Variants in PIEZO2 observed in about 807,000 individuals in gnomAD.
The protein encoded by PIEZO2 is piezo type mechanosensitive ion channel component 2.
A neutral mutation model predicts 337.3 loss-of-function variants in PIEZO2; 172 were observed. That is an observed-to-expected ratio of 0.51 (90% CI 0.45 to 0.58). The LOEUF (loss-of-function observed/expected upper bound fraction) is 0.58. Among genes scored for constraint, PIEZO2 ranks in the 20% least tolerant of loss-of-function variants. The pLI is 0.00. For missense variants in PIEZO2, 3,028 were observed against 3,391.3 expected (o/e 0.89, Z 2.66); for synonymous variants, 1,251 against 1,228.5 (o/e 1.02, Z -0.38).
chr18:11,068,787 CAGA>C (rs569430147), intron 1 of PIEZO2, among the ~76,000 whole-genome samples: 189 of 152,046 alleles, frequency 1.2e-3, no homozygotes, highest in African/African-American at 4.1e-3. Context: ...ACCTCAGACT[CAGA>C]AGAAGACAGA....
chr18:11,028,616 C>T lies in PIEZO2; in HGVS notation c.160+37511G>A, dbSNP rs567201526. Among the ~76,000 whole-genome samples, 2 of 152,112 alleles carry T rather than the reference C, an allele frequency of 1.3e-5. No individual in the cohort carries two copies. Among genetic ancestry groups the T allele is most frequent in the Non-Finnish European group, 2.9e-5 (2 of 68,026 alleles). ...ACTGTCCTTCAGCTTTATCTGAACA[C>T]CCCCATAACAATGTGTGACTAAGTG... On this transcript the variant is annotated intron_variant, in intron 2 of 55. Transcript: ENST00000674853. This position sits in a 1 kb window ranked among gnomAD's most constrained non-coding sequence, Gnocchi z 4.8.
rs1373787733 is a variant in PIEZO2 at position 11,116,812 on chromosome 18, T to C, written c.64+31713A>G. 1.3e-5 allele frequency among the ~76,000 whole-genome samples: 2 copies of C among 150,020 alleles called. No homozygotes were observed. Among genetic ancestry groups the C allele is most frequent in the Non-Finnish European group, 3.0e-5 (2 of 67,472 alleles). On this transcript the variant is annotated intron_variant, in intron 1 of 55. Transcript: ENST00000674853. This position sits in a 1 kb window ranked among gnomAD's most constrained non-coding sequence, Gnocchi z 5.0. The stretch of plus-strand genomic sequence containing the variant: ...GTAGGGTGACTATAGTTAACAATAA[T>C]TTATTGTGTATTTCAGCCAGGCACG...
At chr18:10,941,572 A>G (rs564805660) in intron 3 of PIEZO2, among the ~76,000 whole-genome samples, 2 of 152,356 alleles carry the variant, frequency 1.3e-5, no homozygotes, top group African/African-American at 4.8e-5. Context: ...TTCTTTTAAA[A>G]AGGAATACGT....
At chr18:10,848,223 C>T (rs2041424371) in intron 7 of PIEZO2, among the ~76,000 whole-genome samples, 1 of 152,214 alleles carries the variant, frequency 6.6e-6, no homozygotes, top group South Asian at 2.1e-4. Context: ...CCACTGGCTT[C>T]TCCAAACTAG....
intron 45 of PIEZO2, among the ~76,000 whole-genome samples, chr18:10,697,331 G>C (rs1567959044): frequency 1.3e-5 from 2 of 152,120 alleles, no homozygotes; most frequent in Non-Finnish European, 2.9e-5. Context: ...TAGTGTGCTG[G>C]GTAACAGGTG....
chr18:10,880,433 A>G (rs1007135706), intron 4 of PIEZO2, among the ~76,000 whole-genome samples: 3 of 152,200 alleles, frequency 2.0e-5, no homozygotes, highest in African/African-American at 7.2e-5. Flanking sequence ...ACCCAAAATA[A>G]GGCAGCAATG....
At chr18:10,896,485 T>C (rs542076849) in intron 4 of PIEZO2, among the ~76,000 whole-genome samples, 5 of 152,276 alleles carry the variant, frequency 3.3e-5, no homozygotes, top group African/African-American at 1.2e-4. Flanking sequence ...TAAATAAATA[T>C]ATTTAACTGG....
At chr18:10,885,796 T>C (rs1285413641) in intron 4 of PIEZO2, among the ~76,000 whole-genome samples, 1 of 152,164 alleles carries the variant, frequency 6.6e-6, no homozygotes, top group Non-Finnish European at 1.5e-5. Context: ...CCTAAGAATT[T>C]GAGAGTAAAC....
chr18:11,093,803 GC>G (rs2039176261), intron 1 of PIEZO2, among the ~76,000 whole-genome samples: 2 of 151,990 alleles, frequency 1.3e-5, no homozygotes, highest in South Asian at 4.1e-4. Context: ...GCCTCAGTGG[GC>G]TAAATCATGA....
At chr18:10,935,532 T>C (rs1285546336) in intron 3 of PIEZO2, among the ~76,000 whole-genome samples, 1 of 152,200 alleles carries the variant, frequency 6.6e-6, no homozygotes, top group Non-Finnish European at 1.5e-5. Flanking sequence ...TAAAATTCAG[T>C]GCAGAGGTGA....
In PIEZO2 at chr18:10,682,929, T is replaced by G. The variant is rs2034337297; in HGVS notation, c.7498-637A>C. On this transcript the variant is annotated intron_variant, in intron 49 of 55. Coordinates refer to ENST00000674853, the MANE Select transcript of PIEZO2 (RefSeq NM_001378183.1). The surrounding 1 kb of genome is among the most constrained non-coding windows in gnomAD (Gnocchi z 5.6). ...TGTGCACCAGTAAGGCTGGGAGCAC[T>G]TCTGTTTGCTTTAATATAGATTCAT... Among the ~76,000 whole-genome samples the G allele has an allele frequency of 6.6e-6, 1 of 152,184 alleles. No homozygotes were observed. Among genetic ancestry groups the G allele is most frequent in the Non-Finnish European group, 1.5e-5 (1 of 68,036 alleles).
chr18:10,916,715 A>G lies in PIEZO2; in HGVS notation c.287-5487T>C, dbSNP rs76025932. ...AGCCAGCTGCAGCCTCGGCCAGCCC[A>G]GAGACGCGCTCCCATAGTGCAGCAG... On this transcript the variant is annotated intron_variant, in intron 3 of 55. Transcript: ENST00000674853. 3.3e-3 allele frequency among the ~76,000 whole-genome samples: 505 copies of G among 152,280 alleles called. 4 individuals carry two copies. The highest frequency in any genetic ancestry group is 0.012 in the African/African-American group (491 of 41,576).
At chr18:10,791,177 A>G (rs2039399081) in intron 14 of PIEZO2, 24 bp downstream of exon 14, 1 of 1,515,454 alleles carries the variant, frequency 6.6e-7, no homozygotes, top group African/African-American at 1.4e-5. Context: ...CAAACTCTCC[A>G]GCCACACATA....
rs1420876659 is a variant in PIEZO2, at chr18:10,954,750, G to C, written c.286+24785C>G. ...GGCCACAGGTCCCAGAGACAGGGGA[G>C]ACCAGGAGGACCTGAAGCAACGCAT... On this transcript the variant is annotated intron_variant, in intron 3 of 55. Coordinates refer to ENST00000674853, the MANE Select transcript of PIEZO2 (RefSeq NM_001378183.1). The surrounding 1 kb of genome is among the most constrained non-coding windows in gnomAD (Gnocchi z 4.2). Among the ~76,000 whole-genome samples, 8 of 152,196 alleles carry C rather than the reference G, an allele frequency of 5.3e-5. No homozygotes were observed. Among genetic ancestry groups the C allele is most frequent in the Admixed American group, 5.2e-4 (8 of 15,282 alleles).
rs2041827004 is a variant in PIEZO2, at chr18:10,859,848, G to C, written c.493-2637C>G. 6.6e-6 allele frequency among the ~76,000 whole-genome samples: 1 copy of C among 152,168 alleles called. No individual in the cohort carries two copies. The highest frequency in any genetic ancestry group is 2.4e-5 in the African/African-American group (1 of 41,430). On this transcript the variant is annotated intron_variant, in intron 5 of 55. Transcript: ENST00000674853. The surrounding 1 kb of genome is among the most constrained non-coding windows in gnomAD (Gnocchi z 4.9). Reference sequence around the variant, plus strand: ...CGGAGCAGAGGGAGGCAGCAGCGGGGAGGTGGTGGCTGTGCTGGAGGAGAG... The same window carrying C: ...CGGAGCAGAGGGAGGCAGCAGCGGGCAGGTGGTGGCTGTGCTGGAGGAGAG...
At position 10,824,404 on chromosome 18, in the gene PIEZO2, TACAG is replaced by T. The variant is rs1350930585; in HGVS notation, c.918-17134_918-17131del. Among the ~76,000 whole-genome samples the T allele has an allele frequency of 1.3e-5, 2 of 152,226 alleles. No homozygotes were observed. ...CTTTAGGTTTTATGTTTTATTTAGATACAGACAAGTTATTGCATATATGCTTTCA... is the reference window on the plus strand; with the variant it reads ...CTTTAGGTTTTATGTTTTATTTAGATACAAGTTATTGCATATATGCTTTCA... On this transcript the variant is annotated intron_variant, in intron 7 of 55. Coordinates refer to ENST00000674853, the MANE Select transcript of PIEZO2 (RefSeq NM_001378183.1). This position sits in a 1 kb window ranked among gnomAD's most constrained non-coding sequence, Gnocchi z 4.4.
chr18:10,728,816 A>G (rs1281038153), intron 36 of PIEZO2, among the ~76,000 whole-genome samples: 4 of 152,004 alleles, frequency 2.6e-5, no homozygotes, highest in African/African-American at 7.2e-5. Context: ...TTAGCTGGGC[A>G]TGGTGGCGGG....
rs767013597 is a variant in PIEZO2, at chr18:10,759,602, C to G, written c.3656-19G>C. The G allele has an allele frequency of 1.3e-6, 2 of 1,535,650 alleles. No individual in the cohort carries two copies. The highest frequency in any genetic ancestry group is 1.7e-6 in the Non-Finnish European group (2 of 1,145,456). On this transcript the variant is annotated intron_variant, in intron 25 of 55. Transcript: ENST00000674853. The surrounding 1 kb of genome is among the most constrained non-coding windows in gnomAD (Gnocchi z 5.5). ...GGGTAATCTGCAGGGAGGGAAGTGG[C>G]GAACAGCACAATCAATACTCTTCTT...
rs59190236 is a variant in PIEZO2, at chr18:10,934,636, C to CGTGTGTGTGTGTGTGTGTGT, written c.287-23428_287-23409dup. Among the ~76,000 whole-genome samples, 621 of 130,816 alleles carry CGTGTGTGTGTGTGTGTGTGT rather than the reference C, an allele frequency of 4.7e-3. 12 individuals are homozygous for CGTGTGTGTGTGTGTGTGTGT. The highest frequency in any genetic ancestry group is 9.1e-3 in the African/African-American group (309 of 34,022). 85.8% of individuals were successfully genotyped at this position (130,816 alleles called of 152,430 possible). A position where few individuals can be genotyped will look rare whatever the true frequency, so the allele number is the denominator to read the frequency against. On this transcript the variant is annotated intron_variant, in intron 3 of 55. Transcript: ENST00000674853. The stretch of plus-strand genomic sequence containing the variant: ...TTAGGAATTGTCAGTATTGTGTGTA[C>CGTGTGTGTGTGTGTGTGTGT]GTGTGTGTGTGTGTGTGTGTGTGTG...
Sources: allele counts gnomAD v4.1 joint callset (sites outside exome capture counted in the v4.1 genomes callset), GRCh38; gene constraint gnomAD v4.1.1; non-coding constraint Gnocchi (gnomAD v3.1); transcripts MANE v1.5; gene names NCBI Gene and HGNC (gene_info 2026-07-23, HGNC 2026-07-21).